The following SLC10A7 variants were observed in gnomAD, a reference collection of about 807,000 sequenced individuals.
SLC10A7 encodes the protein solute carrier family 10 member 7.
Under a neutral mutation model 43.2 loss-of-function variants are expected in SLC10A7, and 29 were observed. The ratio of observed to expected loss-of-function variants is 0.67; its 90% CI spans 0.50 to 0.92. The LOEUF is 0.92. Among genes scored for constraint, SLC10A7 ranks in the 40% least tolerant of loss-of-function variants. The pLI is 0.00. For missense variants in SLC10A7, 295 were observed against 403.2 expected, an observed-to-expected ratio of 0.73 and a Z score of 2.30; for synonymous variants, 152 against 144.8, an observed-to-expected ratio of 1.05 and a Z score of -0.35.
At chr4:146,402,703 A>C (rs2679138) in intron 5 of SLC10A7, among the ~76,000 whole-genome samples, 124,265 of 152,216 alleles carry the variant, frequency 0.82, 51,438 homozygotes, top group African/African-American at 0.94. Context: ...TGGGAATAAT[A>C]TAGGCTAGCA....
intron 5 of SLC10A7, among the ~76,000 whole-genome samples, chr4:146,339,498 G>T (rs895881987): frequency 2.0e-5 from 3 of 151,896 alleles, no homozygotes; most frequent in Admixed American, 6.6e-5. Context: ...ACTCAGAGAG[G>T]CTTCAGTCAG....
intron 4 of SLC10A7, among the ~76,000 whole-genome samples, chr4:146,451,239 A>AAAAC (rs1553975807): frequency 6.8e-6 from 1 of 146,474 alleles, no homozygotes; most frequent in African/African-American, 2.7e-5. Flanking sequence ...ACCAAAAAAA[A>AAAAC]AAAAAAAAAA....
In SLC10A7 at chr4:146,447,371, A is replaced by C. The variant is rs190137134; in HGVS notation, c.397-4550T>G. On this transcript the variant is annotated intron_variant, in intron 4 of 11. Coordinates refer to ENST00000335472, the MANE Select transcript of SLC10A7 (RefSeq NM_001029998.6). ...CGATCCTCCCATCTCAGCCTCCTAAATTGCTGAGATTACAGGTGTGAGTCA... is the reference window on the plus strand; with the variant it reads ...CGATCCTCCCATCTCAGCCTCCTAACTTGCTGAGATTACAGGTGTGAGTCA... 2.6e-5 allele frequency among the ~76,000 whole-genome samples: 4 copies of C among 152,214 alleles called. No homozygotes were observed. In the East Asian group the frequency reaches 5.8e-4, roughly 22 times the overall value.
chr4:146,279,427 C>T (rs928860457), intron 10 of SLC10A7, among the ~76,000 whole-genome samples: 1 of 152,160 alleles, frequency 6.6e-6, no homozygotes, highest in Non-Finnish European at 1.5e-5. Flanking sequence ...GATCTATTGA[C>T]TGACTGTGCA....
chr4:146,436,861 A>G (rs1029460241), intron 5 of SLC10A7, among the ~76,000 whole-genome samples: 1 of 152,086 alleles, frequency 6.6e-6, no homozygotes, highest in Non-Finnish European at 1.5e-5. Flanking sequence ...GTTACCTTCT[A>G]TTCACGACAA....
At chr4:146,431,159 C>T (rs1470176397) in intron 5 of SLC10A7, among the ~76,000 whole-genome samples, 2 of 152,036 alleles carry the variant, frequency 1.3e-5, no homozygotes, top group Admixed American at 6.6e-5. Context: ...GCGTTAATGT[C>T]ATGTGTGATA....
At chr4:146,515,347 G>C (rs1484186123) in intron 2 of SLC10A7, among the ~76,000 whole-genome samples, 1 of 152,184 alleles carries the variant, frequency 6.6e-6, no homozygotes, top group Non-Finnish European at 1.5e-5. Context: ...CATTATGGTA[G>C]TAGCAAATAT....
intron 4 of SLC10A7, among the ~76,000 whole-genome samples, chr4:146,483,449 AC>A (rs1051737664): frequency 3.9e-5 from 2 of 50,988 alleles, no homozygotes; most frequent in African/African-American, 2.1e-4. Flanking sequence ...CCACACACAC[AC>A]AAAAAAAAAA....
intron 5 of SLC10A7, among the ~76,000 whole-genome samples, chr4:146,399,636 T>C (rs1164212322): frequency 6.6e-6 from 1 of 151,992 alleles, no homozygotes; most frequent in Non-Finnish European, 1.5e-5. Flanking sequence ...AGTTTGAAAA[T>C]AGATCCGATA....
intron 5 of SLC10A7, among the ~76,000 whole-genome samples, chr4:146,435,407 T>C (rs998657090): frequency 1.3e-5 from 2 of 152,160 alleles, no homozygotes; most frequent in Admixed American, 1.3e-4. Context: ...TCTCAGTCAA[T>C]GAGGTATATT....
At chr4:146,312,218 A>G (rs1001025100) in intron 6 of SLC10A7, among the ~76,000 whole-genome samples, 1 of 152,204 alleles carries the variant, frequency 6.6e-6, no homozygotes, top group Non-Finnish European at 1.5e-5. Flanking sequence ...TTTTATCAAT[A>G]TAAAAACATT....
At chr4:146,496,206 T>C (rs1271210514) in intron 4 of SLC10A7, among the ~76,000 whole-genome samples, 3 of 152,206 alleles carry the variant, frequency 2.0e-5, no homozygotes, top group Non-Finnish European at 4.4e-5. Flanking sequence ...GTGAGGTTTA[T>C]AACATGAAGT....
intron 5 of SLC10A7, among the ~76,000 whole-genome samples, chr4:146,337,906 A>C (rs2149722726): frequency 6.6e-6 from 1 of 152,112 alleles, no homozygotes; most frequent in African/African-American, 2.4e-5. Flanking sequence ...AATATTAATT[A>C]AAATTAGAGT....
At chr4:146,294,701 C>T (rs913851409) in intron 7 of SLC10A7, among the ~76,000 whole-genome samples, 1 of 152,204 alleles carries the variant, frequency 6.6e-6, no homozygotes, top group East Asian at 1.9e-4. Flanking sequence ...AAGACAAATG[C>T]CATTTGCATA....
intron 5 of SLC10A7, among the ~76,000 whole-genome samples, chr4:146,413,851 G>C (rs1033425986): frequency 2.6e-5 from 4 of 152,148 alleles, no homozygotes; most frequent in African/African-American, 9.7e-5. Context: ...GAGAGAGAAA[G>C]AGATTTTTCT....
intron 2 of SLC10A7, among the ~76,000 whole-genome samples, chr4:146,516,243 T>C (rs540581482): frequency 3.3e-5 from 5 of 152,144 alleles, no homozygotes; most frequent in Admixed American, 3.3e-4. Context: ...CTCTTTTTTT[T>C]TCTTCCATTG....
intron 10 of SLC10A7, among the ~76,000 whole-genome samples, chr4:146,278,812 C>T (rs1021661341): frequency 6.6e-6 from 1 of 152,078 alleles, no homozygotes; most frequent in East Asian, 1.9e-4. Context: ...GTGATTTGTT[C>T]CAGCTTTTGG....
intron 5 of SLC10A7, among the ~76,000 whole-genome samples, chr4:146,385,643 G>T (rs552876452): frequency 6.6e-6 from 1 of 152,114 alleles, no homozygotes; most frequent in South Asian, 2.1e-4. Context: ...ACACATGCAG[G>T]TTTGTTACCT....
intron 10 of SLC10A7, among the ~76,000 whole-genome samples, chr4:146,274,057 C>G (rs1329491929): frequency 6.6e-6 from 1 of 152,092 alleles, no homozygotes; most frequent in Admixed American, 6.6e-5. Context: ...TTTCAAATGG[C>G]ATTCTGAATT....
Sources: allele counts gnomAD v4.1 joint callset (sites outside exome capture counted in the v4.1 genomes callset), GRCh38; gene constraint gnomAD v4.1.1; transcripts MANE v1.5; gene names NCBI Gene and HGNC (gene_info 2026-07-23, HGNC 2026-07-21).